The following L3MBTL1 variants were observed in gnomAD, a reference collection of about 807,000 sequenced individuals.
L3MBTL1 encodes the protein lethal(3)malignant brain tumor-like protein 1.
L3MBTL1 carries 75 observed loss-of-function variants against 105.3 expected under a neutral mutation model. The ratio of observed to expected loss-of-function variants is 0.71; its 90% CI spans 0.59 to 0.86. The LOEUF (loss-of-function observed/expected upper bound fraction) is 0.86, where lower values mean the gene tolerates loss of function less well. Ranked by LOEUF, L3MBTL1 falls within the 40% of genes least tolerant of loss-of-function variation. The pLI is 0.00. For synonymous variants in L3MBTL1, 452 were observed against 436.2 expected (o/e 1.04, Z -0.45); for missense variants, 1,069 against 1,126.4 (o/e 0.95, Z 0.73).
chr20:43,516,522 C>A (rs1182630695), intron 7 of L3MBTL1, among the ~76,000 whole-genome samples: 1 of 152,208 alleles, frequency 6.6e-6, no homozygotes, highest in Non-Finnish European at 1.5e-5. Context: ...CAAGCCTGCA[C>A]TGGTCATTGG....
At chr20:43,509,403 TTTTGTTGAGGC>T (rs2018074720) in intron 1 of L3MBTL1, among the ~76,000 whole-genome samples, 2 of 152,170 alleles carry the variant, frequency 1.3e-5, no homozygotes, top group African/African-American at 4.8e-5. Context: ...TTTTAAAATC[TTTTGTTGAGGC>T]TGAGGCCTCA....
intron 19 of L3MBTL1, chr20:43,539,762 C>T (rs753785633): frequency 3.2e-6 from 1 of 315,336 alleles, no homozygotes; most frequent in Non-Finnish European, 6.2e-6. Context: ...ACAGAGTGGA[C>T]TTCTGACATC....
downstream of L3MBTL1, among the ~76,000 whole-genome samples, chr20:43,542,622 A>G (rs2019959778): frequency 6.6e-6 from 1 of 151,704 alleles, no homozygotes; most frequent in Non-Finnish European, 1.5e-5. Context: ...AAAAAAAAAA[A>G]AAAAAAAAGA....
intron 7 of L3MBTL1, among the ~76,000 whole-genome samples, chr20:43,525,171 G>A (rs1270578155): frequency 1.3e-5 from 2 of 151,898 alleles, no homozygotes; most frequent in Non-Finnish European, 2.9e-5. Flanking sequence ...TGCGTGACTG[G>A]ATGAATGGAT....
In L3MBTL1 at chr20:43,514,699, T is replaced by A; in HGVS notation, c.425T>A (p.Leu142Gln). ...AGVEQPPSPE[L>Q]RQEGVTEYED... ...GTGGAGCAGCCCCCGAGCCCCGAGC[T>A]GCGGCAGGAAGGCGTGACCGAATAC... Residue 142 changes from leucine to glutamine, a missense_variant, in exon 4 of 22, where the codon CTG becomes CAG. Coordinates refer to ENST00000418998, the MANE Select transcript of L3MBTL1 (RefSeq NM_001377303.1). 6.3e-7 allele frequency: 1 copy of A among 1,584,954 alleles called. No homozygotes were observed. The highest frequency in any genetic ancestry group is 8.6e-7 in the Non-Finnish European group (1 of 1,165,980).
At chr20:43,518,000 C>G (rs1320920640) in intron 7 of L3MBTL1, among the ~76,000 whole-genome samples, 1 of 152,206 alleles carries the variant, frequency 6.6e-6, no homozygotes, top group East Asian at 1.9e-4. Flanking sequence ...AGTGTCTTAA[C>G]TCCTGTGGGC....
chr20:43,536,382 C>T, intron 18 of L3MBTL1, 27 bp from the exon 19 acceptor site: 1 of 1,613,838 alleles, frequency 6.2e-7, no homozygotes, highest in Non-Finnish European at 8.5e-7. Context: ...TGATTCCCTG[C>T]CATGGACCTG....
At chr20:43,540,852 G>A in intron 21 of L3MBTL1, 37 bp downstream of exon 21, 1 of 1,613,498 alleles carries the variant, frequency 6.2e-7, no homozygotes, top group South Asian at 1.1e-5. Context: ...CAGAGCCGGG[G>A]TCACTGTCCT....
chr20:43,546,509 A>T (rs537648308), downstream of L3MBTL1, among the ~76,000 whole-genome samples: 394 of 152,332 alleles, frequency 2.6e-3, 2 homozygotes, highest in Non-Finnish European at 4.5e-3. Flanking sequence ...GAGTTAATAC[A>T]CAACAGGTGC....
chr20:43,522,457 G>GTTTTTTTTTTT lies in L3MBTL1; in HGVS notation c.863-6179_863-6169dup, dbSNP rs1176856356. 3.9e-3 allele frequency among the ~76,000 whole-genome samples: 374 copies of GTTTTTTTTTTT among 95,698 alleles called. 49 individuals are homozygous for GTTTTTTTTTTT. The highest frequency in any genetic ancestry group is 0.012 in the East Asian group (32 of 2,648). 62.8% of individuals were successfully genotyped at this position (95,698 alleles called of 152,430 possible). A position where few individuals can be genotyped will look rare whatever the true frequency, so the allele number is the denominator to read the frequency against. ...TGGTAACTGAATTTTTCCCTGCTAA[G>GTTTTTTTTTTT]TTTTTTTTTTTTTTTTTTTTTTTTT... On this transcript the variant is annotated intron_variant, in intron 7 of 21. Transcript: ENST00000418998.
rs977399988 is a variant in L3MBTL1, at chr20:43,541,087, T to A, written c.2548T>A (p.Leu850Met). 2.5e-6 allele frequency: 4 copies of A among 1,614,128 alleles called. No homozygotes were observed. The Admixed American group carries it at 6.7e-5, about 27-fold the overall frequency. The change falls in exon 22 of 22, where the codon TTG (leucine) becomes ATG (methionine). Residue 850 changes from leucine (L) to methionine (M), a missense_variant. Coordinates refer to ENST00000418998, the MANE Select transcript of L3MBTL1 (RefSeq NM_001377303.1). The stretch of plus-strand genomic sequence containing the variant: ...ACTCCTCTGCTCTCTACCCACTCAT[T>A]TGCTTGCCAAACTTAGCTTTGCCAG... ...HSLLCSLPTH[L>M]LAKLSFASDS... is the part of the protein sequence containing the mutation.
chr20:43,515,198 C>A, intron 5 of L3MBTL1, 39 bp downstream of exon 5: 1 of 1,614,096 alleles, frequency 6.2e-7, no homozygotes, highest in Non-Finnish European at 8.5e-7. Flanking sequence ...GCTCTACCTT[C>A]AGCCCCCAAA....
chr20:43,540,860 C>A, intron 21 of L3MBTL1, 45 bp downstream of exon 21: 1 of 1,612,922 alleles, frequency 6.2e-7, no homozygotes, highest in Non-Finnish European at 8.5e-7. Flanking sequence ...GGGTCACTGT[C>A]CTTAAGACGG....
chr20:43,520,023 C>G (rs750956451), intron 7 of L3MBTL1, among the ~76,000 whole-genome samples: 4 of 152,048 alleles, frequency 2.6e-5, no homozygotes, highest in Non-Finnish European at 5.9e-5. Flanking sequence ...GTTCTGTAAC[C>G]ATCACCAAAA....
downstream of L3MBTL1, among the ~76,000 whole-genome samples, chr20:43,546,665 G>A (rs1238687836): frequency 1.3e-5 from 2 of 152,056 alleles, no homozygotes; most frequent in East Asian, 3.9e-4. Context: ...CTGCCTCCCA[G>A]CTCTCTTCAT....
intron 7 of L3MBTL1, among the ~76,000 whole-genome samples, chr20:43,517,470 C>T (rs1054873117): frequency 6.6e-6 from 1 of 151,274 alleles, no homozygotes; most frequent in African/African-American, 2.4e-5. Flanking sequence ...GAGCTGTTCA[C>T]AGACACACTA....
chr20:43,550,366 G>T, exon 19 of L3MBTL1: 1 of 152,306 alleles, frequency 6.6e-6, no homozygotes. Flanking sequence ...AGGCAAGATG[G>T]ACCAAGGGCC....
intron 7 of L3MBTL1, 145 bp downstream of exon 7, chr20:43,516,322 A>T (rs985627321): frequency 7.8e-6 from 5 of 640,972 alleles, no homozygotes; most frequent in Non-Finnish European, 1.4e-5. Context: ...AGAGAGAGAG[A>T]CAGTGAGAGA....
At chr20:43,534,551 G>C (rs1477609285) in intron 15 of L3MBTL1, 157 bp downstream of exon 15, 4 of 655,676 alleles carry the variant, frequency 6.1e-6, no homozygotes, top group Non-Finnish European at 1.1e-5. Context: ...TTGTGGGCTT[G>C]GACAAGTCAT....
Sources: allele counts gnomAD v4.1 joint callset (sites outside exome capture counted in the v4.1 genomes callset), GRCh38; gene constraint gnomAD v4.1.1; transcripts MANE v1.5; gene names NCBI Gene and HGNC (gene_info 2026-07-23, HGNC 2026-07-21).